Variants in PIK3CA observed in about 807,000 individuals in gnomAD.
PIK3CA encodes phosphatidylinositol-4,5-bisphosphate 3-kinase catalytic subunit alpha.
PIK3CA carries 27 observed loss-of-function variants against 138.2 expected under a neutral mutation model. The ratio of observed to expected loss-of-function variants is 0.20; its 90% CI spans 0.14 to 0.27. PIK3CA has a LOEUF of 0.27. Ranked by LOEUF, PIK3CA falls within the 10% of genes least tolerant of loss-of-function variation. PIK3CA has a pLI of 1.00. For missense variants in PIK3CA, 544 were observed against 1,277.4 expected, an observed-to-expected ratio of 0.43 and a Z score of 8.75; for synonymous variants, 358 against 413.2, an observed-to-expected ratio of 0.87 and a Z score of 1.62.
intron 6 of PIK3CA, among the ~76,000 whole-genome samples, chr3:179,207,987 C>T (rs1724613091): frequency 6.6e-6 from 1 of 152,118 alleles, no homozygotes. Flanking sequence ...GAGTTCGAAG[C>T]TATAATGCAC....
intron 1 of PIK3CA, among the ~76,000 whole-genome samples, chr3:179,167,716 CTG>C (rs377205538): frequency 6.8e-4 from 104 of 152,190 alleles, no homozygotes; most frequent in African/African-American, 2.4e-3. Context: ...TTCTCTGAAT[CTG>C]TGTCCAGCAT....
intron 1 of PIK3CA, among the ~76,000 whole-genome samples, chr3:179,194,322 A>G (rs1724210521): frequency 6.6e-6 from 1 of 152,104 alleles, no homozygotes. Context: ...CTCCCAGGCT[A>G]AAATGATCCT....
chr3:179,182,758 C>T (rs1304414129), intron 1 of PIK3CA, among the ~76,000 whole-genome samples: 1 of 152,040 alleles, frequency 6.6e-6, no homozygotes, highest in Non-Finnish European at 1.5e-5. Context: ...ATTCTCATTG[C>T]TTGCTTTTTA....
In PIK3CA at chr3:179,210,259, C is replaced by G. The variant is rs2108400475; in HGVS notation, c.1325C>G (p.Ala442Gly). The change falls in exon 8 of 21, where the codon GCT becomes GGT. Residue 442 changes from alanine to glycine, a missense_variant. This residue lies in a region of PIK3CA where 234 missense variants were observed against 401.3 expected (regional missense o/e 0.58). Coordinates refer to ENST00000263967, the MANE Select transcript of PIK3CA (RefSeq NM_006218.4). ...YTDTLVSGKM[A>G]LNLWPVPHGL... is the part of the protein sequence containing the mutation. ...GACACTCTAGTATCTGGAAAAATGG[C>G]TTTGAATCTTTGGCCAGTACCTCAT... 1 of 1,596,450 alleles carries G rather than the reference C, an allele frequency of 6.3e-7. No individual in the cohort carries two copies. Among genetic ancestry groups the G allele is most frequent in the Non-Finnish European group, 8.5e-7 (1 of 1,175,658 alleles).
At chr3:179,152,065 G>A (rs930203206) in intron 1 of PIK3CA, among the ~76,000 whole-genome samples, 2 of 152,180 alleles carry the variant, frequency 1.3e-5, no homozygotes, top group African/African-American at 4.8e-5. Context: ...AATAAATATA[G>A]TAGAGACAGA....
At position 179,204,438 on chromosome 3, in the gene PIK3CA, A is replaced by G. The variant is rs537013051; in HGVS notation, c.1060-65A>G. The G allele has an allele frequency of 4.4e-5, 32 of 721,376 alleles. 1 individual carries two copies. The African/African-American group carries it at 4.6e-4, about 10-fold the overall frequency. The allele number at this position is 721,376 out of a possible 1,614,324, so 44.7% of individuals were successfully genotyped here. A position where few individuals can be genotyped will look rare whatever the true frequency, so the allele number is the denominator to read the frequency against. ...ATTCCGTGGTTTTATATTTGAGTCT[A>G]TCGAGTGTGTGCATATGTGTATGTT... On this transcript the variant is annotated intron_variant, in intron 5 of 20. Coordinates refer to ENST00000263967, the MANE Select transcript of PIK3CA (RefSeq NM_006218.4).
chr3:179,233,664 C>T (rs1725263394), intron 20 of PIK3CA, among the ~76,000 whole-genome samples: 1 of 152,098 alleles, frequency 6.6e-6, no homozygotes, highest in Non-Finnish European at 1.5e-5. Flanking sequence ...CCATAATCAC[C>T]TTGTTTATTC....
intron 1 of PIK3CA, among the ~76,000 whole-genome samples, chr3:179,189,146 A>C (rs1317587020): frequency 5.3e-5 from 8 of 152,124 alleles, no homozygotes; most frequent in Admixed American, 2.0e-4. Flanking sequence ...CCTCGTAAAC[A>C]GAGGTTGCAG....
rs1222207019 is a variant in PIK3CA, at chr3:179,222,092, C to A, written c.2187+935C>A. Among the ~76,000 whole-genome samples the A allele has an allele frequency of 2.7e-5, 4 of 150,728 alleles. No homozygotes were observed. In the South Asian group the frequency reaches 8.4e-4, roughly 32 times the overall value. On this transcript the variant is annotated intron_variant, in intron 14 of 20. Coordinates refer to ENST00000263967, the MANE Select transcript of PIK3CA (RefSeq NM_006218.4). The stretch of plus-strand genomic sequence containing the variant: ...CACATCCTAAATTCACCACCTCTTA[C>A]AATTAAAAGGAAGCTCATTCCTCAC...
In PIK3CA at chr3:179,159,157, G is replaced by A. The variant is rs571506381; in HGVS notation, c.-77+10554G>A. ...GTTTTCATTGTTGTGTGCTTTTAAA[G>A]AATGACTTTTATTAAGCATGCTTCC... On this transcript the variant is annotated intron_variant, in intron 1 of 20. Transcript: ENST00000263967. Among the ~76,000 whole-genome samples the A allele has an allele frequency of 8.9e-4, 135 of 152,180 alleles. 1 individual carries two copies. The South Asian group carries it at 0.026, about 30-fold the overall frequency.
At position 179,203,607 on chromosome 3, in the gene PIK3CA, C is replaced by G. The variant is rs1724478475; in HGVS notation, c.877C>G (p.Leu293Val). Residue 293 changes from leucine to valine, a missense_variant, in exon 5 of 21, where the codon CTT (leucine) becomes GTT (valine). Coordinates refer to ENST00000263967, the MANE Select transcript of PIK3CA (RefSeq NM_006218.4). ...TTTGATGTTGATGGCTAAAGAAAGCCTTTATTCTCAACTGCCAATGGACTG... is the reference window on the plus strand; with the variant it reads ...TTTGATGTTGATGGCTAAAGAAAGCGTTTATTCTCAACTGCCAATGGACTG... ...PNLMLMAKES[L>V]YSQLPMDCFT... The G allele has an allele frequency of 1.2e-6, 2 of 1,613,814 alleles. No individual in the cohort carries two copies. The highest frequency in any genetic ancestry group is 1.7e-6 in the Non-Finnish European group (2 of 1,179,858).
At chr3:179,194,983 C>G (rs1343133648) in intron 1 of PIK3CA, among the ~76,000 whole-genome samples, 1 of 148,310 alleles carries the variant, frequency 6.7e-6, no homozygotes, top group Admixed American at 6.8e-5. Context: ...CATACTTAGC[C>G]TAGAGCCTGA....
At chr3:179,183,341 C>A (rs1723896049) in intron 1 of PIK3CA, among the ~76,000 whole-genome samples, 1 of 152,094 alleles carries the variant, frequency 6.6e-6, no homozygotes, top group Non-Finnish European at 1.5e-5. Flanking sequence ...TATATCATGT[C>A]TTTCATCCAA....
intron 1 of PIK3CA, among the ~76,000 whole-genome samples, chr3:179,184,471 A>C (rs549190490): frequency 2.0e-5 from 3 of 152,364 alleles, no homozygotes; most frequent in Admixed American, 2.0e-4. Context: ...CTTTATCATT[A>C]GTCCCTGGTT....
In PIK3CA at chr3:179,191,908, G is replaced by T. The variant is rs946099129; in HGVS notation, c.-76-6842G>T. 3.3e-5 allele frequency among the ~76,000 whole-genome samples: 5 copies of T among 152,188 alleles called. No homozygotes were observed. In the East Asian group the frequency reaches 9.6e-4, roughly 29 times the overall value. ...CCTCCTCAGCCTCCCAAAGTGCTAG[G>T]ATTACAGGCATGAGCCACCACGCCT... On this transcript the variant is annotated intron_variant, in intron 1 of 20. Transcript: ENST00000263967.
chr3:179,180,903 C>CTTAA (rs1723824950), intron 1 of PIK3CA, among the ~76,000 whole-genome samples: 1 of 152,104 alleles, frequency 6.6e-6, no homozygotes, highest in African/African-American at 2.4e-5. Context: ...AACTGTTTAA[C>CTTAA]ATTTAACATT....
At chr3:179,186,282 C>T (rs1282938720) in intron 1 of PIK3CA, among the ~76,000 whole-genome samples, 2 of 152,188 alleles carry the variant, frequency 1.3e-5, no homozygotes, top group African/African-American at 2.4e-5. Context: ...TCTTAATGAA[C>T]TCAACAAGCT....
chr3:179,221,696 C>CTTTTT (rs200211358), intron 14 of PIK3CA, among the ~76,000 whole-genome samples: 12 of 77,582 alleles, frequency 1.5e-4, no homozygotes, highest in African/African-American at 2.2e-4. Flanking sequence ...ACAATGTAAA[C>CTTTTT]TTTTTTTTTT....
chr3:179,183,263 A>G lies in PIK3CA; in HGVS notation c.-76-15487A>G, dbSNP rs1320463193. Among the ~76,000 whole-genome samples the G allele has an allele frequency of 1.3e-5, 2 of 152,208 alleles. 1 individual carries two copies. The highest frequency in any genetic ancestry group is 4.8e-5 in the African/African-American group (2 of 41,460). On this transcript the variant is annotated intron_variant, in intron 1 of 20. Coordinates refer to ENST00000263967, the MANE Select transcript of PIK3CA (RefSeq NM_006218.4). The stretch of plus-strand genomic sequence containing the variant: ...GGGGCAGATGGCAACCAATTACATC[A>G]GGATATAAAGTTATTGTTTGGTCTT...
Sources: gnomAD v4.1 joint callset for allele counts (sites outside exome capture counted in the v4.1 genomes callset) on GRCh38, gnomAD v4.1.1 for gene constraint, gnomAD v4.1.1 regional missense constraint, MANE v1.5 for transcripts, NCBI Gene and HGNC (gene_info 2026-07-23, HGNC 2026-07-21) for gene names.